CSMD1: variants seen among roughly 807,000 people sequenced by gnomAD.
CSMD1 encodes the protein CUB and sushi domain-containing protein 1.
CSMD1 carries 213 observed loss-of-function variants against 417.5 expected under a neutral mutation model. The ratio of observed to expected loss-of-function variants is 0.51; its 90% confidence interval spans 0.46 to 0.57. The LOEUF is 0.57. CSMD1 is among the 20% of genes least tolerant of loss of function. The pLI, the probability that CSMD1 is intolerant of heterozygous loss-of-function variation, is 0.00. For synonymous variants in CSMD1, 2,862 were observed against 1,736.8 expected, an observed-to-expected ratio of 1.65 and a Z score of -16.11; for missense variants, 6,923 against 4,529.7, an observed-to-expected ratio of 1.53 and a Z score of -15.17.
At chr8:4,483,989 C>G (rs1801237329) in intron 2 of CSMD1, among the ~76,000 whole-genome samples, 1 of 152,192 alleles carries the variant, frequency 6.6e-6, no homozygotes, top group Middle Eastern at 3.4e-3. Context: ...GAGCACAGCC[C>G]TGGGAGAAAC....
At chr8:3,432,040 G>T (rs1814249888) in intron 12 of CSMD1, among the ~76,000 whole-genome samples, 1 of 152,096 alleles carries the variant, frequency 6.6e-6, no homozygotes, top group Non-Finnish European at 1.5e-5. Context: ...AATTTTTGAA[G>T]TTCCTACTCT....
intron 1 of CSMD1, among the ~76,000 whole-genome samples, chr8:4,830,261 C>G (rs1199343781): frequency 6.6e-6 from 1 of 152,180 alleles, no homozygotes; most frequent in Non-Finnish European, 1.5e-5. Context: ...CAAATGAATT[C>G]AAGCTTGGTA....
At chr8:4,517,586 C>G (rs1302464736) in intron 2 of CSMD1, among the ~76,000 whole-genome samples, 1 of 152,044 alleles carries the variant, frequency 6.6e-6, no homozygotes, top group Admixed American at 6.6e-5. Flanking sequence ...GAGTTAATAC[C>G]AAATATGTAT....
chr8:3,796,932 G>C (rs1226266079), intron 5 of CSMD1, among the ~76,000 whole-genome samples: 21 of 151,628 alleles, frequency 1.4e-4, no homozygotes, highest in Non-Finnish European at 2.7e-4. Flanking sequence ...TGAAGATTTT[G>C]GTTAATATGT....
chr8:4,667,596 G>A (rs1320785245), intron 1 of CSMD1, among the ~76,000 whole-genome samples: 1 of 151,958 alleles, frequency 6.6e-6, no homozygotes, highest in Non-Finnish European at 1.5e-5. Context: ...GATTGTCCCT[G>A]AGTACTTTAT....
At position 3,743,988 on chromosome 8, in the gene CSMD1, C is replaced by T. The variant is rs182737439; in HGVS notation, c.931+9942G>A. Among the ~76,000 whole-genome samples, 13 of 152,276 alleles carry T rather than the reference C, an allele frequency of 8.5e-5. No homozygotes were observed. The East Asian group carries it at 1.9e-3, about 23-fold the overall frequency. ...ATGAATGATTATCTTCCCCTACCCC[C>T]GTTACATGAAAATTGTGTATTTCTC... On this transcript the variant is annotated intron_variant, in intron 6 of 69. Coordinates refer to ENST00000635120, the MANE Select transcript of CSMD1 (RefSeq NM_033225.6).
intron 2 of CSMD1, among the ~76,000 whole-genome samples, chr8:4,426,894 G>T (rs1291824489): frequency 6.6e-6 from 1 of 151,764 alleles, no homozygotes; most frequent in Admixed American, 6.6e-5. Flanking sequence ...AGTATCAGAT[G>T]TCAGGTGTTT....
intron 3 of CSMD1, among the ~76,000 whole-genome samples, chr8:4,353,812 AAAC>A (rs1171935092): frequency 4.6e-5 from 7 of 152,152 alleles, no homozygotes; most frequent in Non-Finnish European, 8.8e-5. Flanking sequence ...TCGATCATTA[AAAC>A]CAGTGTTCTT....
At chr8:3,475,562 C>T (rs1817359249) in intron 11 of CSMD1, among the ~76,000 whole-genome samples, 1 of 152,054 alleles carries the variant, frequency 6.6e-6, no homozygotes, top group African/African-American at 2.4e-5. Context: ...ATCTGTATTC[C>T]AGGTTCCTCA....
At chr8:3,048,309 T>C (rs1811591153) in intron 50 of CSMD1, among the ~76,000 whole-genome samples, 1 of 152,024 alleles carries the variant, frequency 6.6e-6, no homozygotes. Context: ...TGAAAAAAAG[T>C]GTCCGATACA....
In CSMD1 at chr8:4,050,657, T is replaced by C. The variant is rs566797692; in HGVS notation, c.416-18558A>G. On this transcript the variant is annotated intron_variant, in intron 3 of 69. Transcript: ENST00000635120. The stretch of plus-strand genomic sequence containing the variant: ...ATCAAATACTAGATCTTATTCGTTC[T>C]CTTTTTTTGGACCCATTACACATCC... Among the ~76,000 whole-genome samples, 16 of 152,270 alleles carry C rather than the reference T, an allele frequency of 1.1e-4. No homozygotes were observed. In the East Asian group the frequency reaches 2.9e-3, roughly 28 times the overall value.
At chr8:4,896,446 C>T (rs1441939982) in intron 1 of CSMD1, among the ~76,000 whole-genome samples, 3 of 152,106 alleles carry the variant, frequency 2.0e-5, no homozygotes, top group African/African-American at 7.3e-5. Flanking sequence ...TATGGAGCAT[C>T]TACCAGGAAA....
chr8:3,142,379 C>T, intron 41 of CSMD1, 86 bp downstream of exon 41: 2 of 1,174,324 alleles, frequency 1.7e-6, no homozygotes, highest in South Asian at 1.4e-5. Context: ...AGCTTGGAAC[C>T]AGTTAGGGAG....
At chr8:4,456,457 C>T (rs142164533) in intron 2 of CSMD1, among the ~76,000 whole-genome samples, 18 of 151,994 alleles carry the variant, frequency 1.2e-4, no homozygotes, top group Admixed American at 3.3e-4. Flanking sequence ...GTATTCTTAA[C>T]GAAAATCACC....
intron 6 of CSMD1, among the ~76,000 whole-genome samples, chr8:3,723,963 T>TTTGCAAGTATTTGCAAAAATAG (rs1385380424): frequency 1.8e-5 from 2 of 113,960 alleles, no homozygotes; most frequent in Non-Finnish European, 2.4e-5. Context: ...TTGTTAAGTT[T>TTTGCAAGTATTTGCAAAAATAG]AATGTTGTGT....
chr8:3,265,930 G>T (rs781616671), intron 26 of CSMD1, among the ~76,000 whole-genome samples: 2 of 151,922 alleles, frequency 1.3e-5, no homozygotes, highest in Non-Finnish European at 2.9e-5. Flanking sequence ...TCAGCACTTG[G>T]CCAGGGAAAG....
chr8:4,784,151 T>C (rs1183386732), intron 1 of CSMD1, among the ~76,000 whole-genome samples: 1 of 152,242 alleles, frequency 6.6e-6, no homozygotes, highest in South Asian at 2.1e-4. Context: ...AGTTGCCTGA[T>C]TCATATTTAT....
intron 7 of CSMD1, among the ~76,000 whole-genome samples, chr8:3,645,987 T>C (rs1412779711): frequency 6.6e-6 from 1 of 152,114 alleles, no homozygotes; most frequent in South Asian, 2.1e-4. Flanking sequence ...CTAGCTATAA[T>C]TGTATTTATC....
intron 23 of CSMD1, among the ~76,000 whole-genome samples, chr8:3,313,663 C>A (rs1217903777): frequency 2.0e-5 from 3 of 152,178 alleles, no homozygotes; most frequent in African/African-American, 7.2e-5. Context: ...CACTTTCACA[C>A]TGTTGGTGGG....
Sources: gnomAD v4.1 joint callset for allele counts (sites outside exome capture counted in the v4.1 genomes callset) on GRCh38, gnomAD v4.1.1 for gene constraint, MANE v1.5 for transcripts, NCBI Gene and HGNC (gene_info 2026-07-23, HGNC 2026-07-21) for gene names.